The following MBNL2 variants were observed in gnomAD, a reference collection of about 807,000 sequenced individuals.
MBNL2 encodes the protein muscleblind-like protein 2.
Under a neutral mutation model 41.9 loss-of-function variants are expected in MBNL2, and 17 were observed. The ratio of observed to expected loss-of-function variants is 0.41; its 90% confidence interval spans 0.28 to 0.61. The LOEUF is 0.61. MBNL2 is among the 20% of genes least tolerant of loss of function. The pLI is 0.35. For synonymous variants in MBNL2, 195 were observed against 182.9 expected, an observed-to-expected ratio of 1.07 and a Z score of -0.53; for missense variants, 336 against 505.6, an observed-to-expected ratio of 0.66 and a Z score of 3.22.
At chr13:97,376,170 T>C (rs2064948317) in intron 8 of MBNL2, among the ~76,000 whole-genome samples, 1 of 152,074 alleles carries the variant, frequency 6.6e-6, no homozygotes. Flanking sequence ...AAAGAGAACA[T>C]TTGAGGGGAA....
At chr13:97,204,684 T>C in the MBNL2 span, among the ~76,000 whole-genome samples, 1 of 152,286 alleles carries the variant, frequency 6.6e-6, no homozygotes, top group East Asian at 1.9e-4. Context: ...AAACGTTTTC[T>C]TCTTGAGGAG....
At chr13:97,164,578 A>G in the MBNL2 span, among the ~76,000 whole-genome samples, 5 of 152,194 alleles carry the variant, frequency 3.3e-5, no homozygotes, top group African/African-American at 1.2e-4. Context: ...AGAAGTGAAA[A>G]TGGTACCATG....
chr13:97,372,779 G>A (rs2064512320), intron 8 of MBNL2, among the ~76,000 whole-genome samples: 1 of 152,120 alleles, frequency 6.6e-6, no homozygotes, highest in African/African-American at 2.4e-5. Flanking sequence ...ATTTGTATAT[G>A]GGTTCTTGGA....
chr13:97,360,919 G>A (rs1333625797), intron 7 of MBNL2, among the ~76,000 whole-genome samples: 1 of 152,194 alleles, frequency 6.6e-6, no homozygotes, highest in East Asian at 1.9e-4. Context: ...TATGAGAAAC[G>A]TGTAAATGTT....
chr13:97,282,575 G>A (rs1408234267), intron 2 of MBNL2, among the ~76,000 whole-genome samples: 1 of 152,134 alleles, frequency 6.6e-6, no homozygotes, highest in Non-Finnish European at 1.5e-5. Flanking sequence ...CATTGTTGGT[G>A]TGTGTGTGTG....
chr13:97,235,860 G>C (rs2043180905), intron 1 of MBNL2, among the ~76,000 whole-genome samples: 1 of 151,078 alleles, frequency 6.6e-6, no homozygotes, highest in Non-Finnish European at 1.5e-5. Context: ...TCCCCATCTT[G>C]CTCCCTAGTT....
intron 2 of MBNL2, among the ~76,000 whole-genome samples, chr13:97,320,840 G>T (rs955218373): frequency 6.6e-6 from 1 of 151,932 alleles, no homozygotes; most frequent in Non-Finnish European, 1.5e-5. Context: ...GCTTGAACCC[G>T]GGAGGCGGAG....
chr13:97,347,061 A>C lies in MBNL2; in HGVS notation c.798A>C (p.Thr266=), dbSNP rs776632249. The change falls in exon 5 of 9, where the codon ACA becomes ACC. Residue 266 remains threonine (T), a synonymous_variant. Transcript: ENST00000679496. ...CCCAGGCAGCCGCGGCCGCGGCCAC[A>C]GTCATGGTAAGTGCGGCCGCCCGCC... is the stretch of plus-strand genomic sequence containing the variant. The part of the protein sequence containing the change: ...VAAQAAAAAA[T]VMTQSTAKAM... 1 of 1,588,982 alleles carries C rather than the reference A, an allele frequency of 6.3e-7. No homozygotes were observed. The highest frequency in any genetic ancestry group is 1.8e-5 in the Admixed American group (1 of 57,008).
intron 3 of MBNL2, among the ~76,000 whole-genome samples, chr13:97,339,867 GT>G (rs1349582520): frequency 0.03 from 3,369 of 113,142 alleles, 201 homozygotes; most frequent in Non-Finnish European, 0.043. Context: ...ACTGATTTGT[GT>G]GTGGGCGGGG....
chr13:97,287,924 T>TTG (rs2054927334), intron 2 of MBNL2, among the ~76,000 whole-genome samples: 1 of 121,542 alleles, frequency 8.2e-6, no homozygotes, highest in African/African-American at 3.1e-5. Flanking sequence ...TTCTGTTTTT[T>TTG]TTTTGTTTTG....
At chr13:97,239,268 C>A (rs2043838407) in intron 1 of MBNL2, among the ~76,000 whole-genome samples, 1 of 152,212 alleles carries the variant, frequency 6.6e-6, no homozygotes, top group South Asian at 2.1e-4. Flanking sequence ...AAATAACAAC[C>A]TGCCAATATA....
In MBNL2 at chr13:97,233,126, C is replaced by CATAT. The variant is rs376967986; in HGVS notation, c.-605+10642_-605+10645dup. 5.2e-3 allele frequency among the ~76,000 whole-genome samples: 206 copies of CATAT among 39,700 alleles called. 3 individuals are homozygous for CATAT. Among genetic ancestry groups the CATAT allele is most frequent in the Non-Finnish European group, 7.5e-3 (139 of 18,578 alleles). 26.0% of individuals were successfully genotyped at this position (39,700 alleles called of 152,430 possible). A position where few individuals can be genotyped will look rare whatever the true frequency, so the allele number is the denominator to read the frequency against. ...GATGCTCTCGCTTCAGGCTCTTTTTCATATATATATATATATATATATATA... is the reference window on the plus strand; with the variant it reads ...GATGCTCTCGCTTCAGGCTCTTTTTCATATATATATATATATATATATATATATA... On this transcript the variant is annotated intron_variant, in intron 1 of 8. Coordinates refer to ENST00000679496, the MANE Select transcript of MBNL2 (RefSeq NM_001382683.1).
the MBNL2 span, among the ~76,000 whole-genome samples, chr13:97,178,439 A>G: frequency 6.6e-6 from 1 of 152,252 alleles, no homozygotes; most frequent in African/African-American, 2.4e-5. Flanking sequence ...TAATAATTAC[A>G]TAGTAAAGAC....
intron 3 of MBNL2, among the ~76,000 whole-genome samples, chr13:97,338,476 A>G (rs1427313146): frequency 6.6e-6 from 1 of 152,148 alleles, no homozygotes; most frequent in Non-Finnish European, 1.5e-5. Flanking sequence ...GTCTGCACCA[A>G]TAAATATTTA....
intron 2 of MBNL2, among the ~76,000 whole-genome samples, chr13:97,332,525 G>A (rs979617012): frequency 3.3e-5 from 5 of 152,220 alleles, no homozygotes; most frequent in African/African-American, 1.2e-4. Flanking sequence ...CAAGTTGACA[G>A]GGCTGGAGGG....
At chr13:97,274,340 T>G (rs1005018382) in intron 1 of MBNL2, among the ~76,000 whole-genome samples, 3 of 152,014 alleles carry the variant, frequency 2.0e-5, no homozygotes, top group African/African-American at 7.2e-5. Context: ...CTACTAAAAA[T>G]ACAAAAATTA....
At chr13:97,232,826 C>T (rs74107584) in intron 1 of MBNL2, among the ~76,000 whole-genome samples, 2,168 of 146,862 alleles carry the variant, frequency 0.015, 63 homozygotes, top group African/African-American at 0.046. Flanking sequence ...GATTATTTGT[C>T]GGCCTTTTTC....
chr13:97,249,967 C>T (rs2046203878), intron 1 of MBNL2, among the ~76,000 whole-genome samples: 1 of 152,180 alleles, frequency 6.6e-6, no homozygotes, highest in African/African-American at 2.4e-5. Flanking sequence ...GTGATTGCTA[C>T]GAGGTTCCAG....
intron 2 of MBNL2, among the ~76,000 whole-genome samples, chr13:97,321,062 G>C (rs2059459402): frequency 6.6e-6 from 1 of 152,116 alleles, no homozygotes; most frequent in Non-Finnish European, 1.5e-5. Flanking sequence ...CCTGTAACTT[G>C]ATTACATCTG....
Sources: allele counts gnomAD v4.1 joint callset (sites outside exome capture counted in the v4.1 genomes callset), GRCh38; gene constraint gnomAD v4.1.1; transcripts MANE v1.5; gene names NCBI Gene and HGNC (gene_info 2026-07-23, HGNC 2026-07-21).